The following HPCAL1 variants were observed in gnomAD, a reference collection of about 807,000 sequenced individuals.
HPCAL1 encodes the protein hippocalcin-like protein 1.
Under a neutral mutation model 17.1 loss-of-function variants are expected in HPCAL1, and 8 were observed. The ratio of observed to expected loss-of-function variants is 0.47; its 90% CI spans 0.27 to 0.84. The LOEUF is 0.84. Among genes scored for constraint, HPCAL1 ranks in the 40% least tolerant of loss-of-function variants. The pLI, the probability that HPCAL1 is intolerant of heterozygous loss-of-function variation, is 0.13. For missense variants in HPCAL1, 165 were observed against 271.1 expected (o/e 0.61, Z 2.75); for synonymous variants, 112 against 111.4 (o/e 1.01, Z -0.03).
At chr2:10,403,020 T>G (rs922770332) in intron 2 of HPCAL1, among the ~76,000 whole-genome samples, 2 of 152,186 alleles carry the variant, frequency 1.3e-5, no homozygotes, top group African/African-American at 4.8e-5. Context: ...AATTCAAAAT[T>G]TGGAAATAGT....
At chr2:10,312,215 TC>T (rs143399020) in intron 1 of HPCAL1, among the ~76,000 whole-genome samples, 2 of 25,400 alleles carry the variant, frequency 7.9e-5, no homozygotes, top group Non-Finnish European at 1.9e-4. Flanking sequence ...ATCATCAACA[TC>T]CATCATCACT....
chr2:10,316,994 C>T (rs988964454), intron 1 of HPCAL1, among the ~76,000 whole-genome samples: 5 of 152,102 alleles, frequency 3.3e-5, no homozygotes, highest in East Asian at 3.9e-4. Context: ...TCTGGGCCCT[C>T]GGGTTATTAC....
intron 2 of HPCAL1, among the ~76,000 whole-genome samples, chr2:10,413,691 T>G (rs779651917): frequency 2.0e-5 from 3 of 152,252 alleles, no homozygotes; most frequent in Admixed American, 6.5e-5. Context: ...GGTACCTCCC[T>G]TTCTATACGC....
intron 1 of HPCAL1, among the ~76,000 whole-genome samples, chr2:10,374,804 A>G (rs940957081): frequency 1.3e-5 from 2 of 152,178 alleles, no homozygotes; most frequent in Non-Finnish European, 2.9e-5. Context: ...CTGTAATCTT[A>G]TCCTTTTTGT....
chr2:10,329,189 T>C (rs1664198697), intron 1 of HPCAL1, among the ~76,000 whole-genome samples: 1 of 152,144 alleles, frequency 6.6e-6, no homozygotes, highest in African/African-American at 2.4e-5. Flanking sequence ...CATTGAATCT[T>C]TCCTGAACAG....
At chr2:10,381,265 T>A (rs1367112828) in intron 1 of HPCAL1, among the ~76,000 whole-genome samples, 1 of 152,220 alleles carries the variant, frequency 6.6e-6, no homozygotes, top group Non-Finnish European at 1.5e-5. Flanking sequence ...TCCACAAGGA[T>A]GTTACGTTGT....
At chr2:10,399,226 C>T (rs867465930) in intron 2 of HPCAL1, among the ~76,000 whole-genome samples, 36 of 78,320 alleles carry the variant, frequency 4.6e-4, no homozygotes, top group East Asian at 6.6e-4. Flanking sequence ...ACCACCACCA[C>T]CACCACCACC....
rs1662516750 is a variant in HPCAL1 at position 10,304,825 on chromosome 2, C to T, written c.-111+1648C>T. On this transcript the variant is annotated intron_variant, in intron 1 of 4. Transcript: ENST00000307845. The surrounding 1 kb of genome is among the most constrained non-coding windows in gnomAD (Gnocchi z 4.1). ...TTAACCAAGGGAGCCAAGATCTCAC[C>T]AGTGCAGGAGGCTCTCAAAATGGAG... is the stretch of plus-strand genomic sequence containing the variant. Among the ~76,000 whole-genome samples, 2 of 152,194 alleles carry T rather than the reference C, an allele frequency of 1.3e-5. No individual in the cohort carries two copies. The highest frequency in any genetic ancestry group is 1.5e-5 in the Non-Finnish European group (1 of 68,042).
At chr2:10,405,321 G>T (rs1190100770) in intron 2 of HPCAL1, among the ~76,000 whole-genome samples, 1 of 152,228 alleles carries the variant, frequency 6.6e-6, no homozygotes, top group Non-Finnish European at 1.5e-5. Flanking sequence ...GAGCAAACAG[G>T]CTGGGTCTGG....
In HPCAL1 at chr2:10,395,511, T is replaced by C. The variant is rs1056470551; in HGVS notation, c.-110-1324T>C. ...GGAGGGGAGAGGTGCAGCACCCCCA[T>C]TGTGCAGGAGCGAGGGGAGCCCCGC... On this transcript the variant is annotated intron_variant, in intron 1 of 4. Coordinates refer to ENST00000307845, the MANE Select transcript of HPCAL1 (RefSeq NM_002149.4). The surrounding 1 kb of genome is among the most constrained non-coding windows in gnomAD (Gnocchi z 4.4). Among the ~76,000 whole-genome samples, 1 of 152,164 alleles carries C rather than the reference T, an allele frequency of 6.6e-6. No homozygotes were observed. The highest frequency in any genetic ancestry group is 2.4e-5 in the African/African-American group (1 of 41,450).
chr2:10,306,333 T>TG (rs1346739875), intron 1 of HPCAL1, among the ~76,000 whole-genome samples: 10 of 151,154 alleles, frequency 6.6e-5, no homozygotes, highest in Admixed American at 2.0e-4. Context: ...GTCACTGTGC[T>TG]GGGGGGTGGG....
At chr2:10,368,435 G>A (rs955204526) in intron 1 of HPCAL1, among the ~76,000 whole-genome samples, 1 of 152,148 alleles carries the variant, frequency 6.6e-6, no homozygotes, top group Non-Finnish European at 1.5e-5. Context: ...CTCCTTGAGG[G>A]CAGGGTGGTT....
intron 2 of HPCAL1, among the ~76,000 whole-genome samples, chr2:10,401,931 C>G (rs1441843838): frequency 1.3e-5 from 2 of 152,166 alleles, no homozygotes; most frequent in Non-Finnish European, 2.9e-5. Context: ...GAGACAGTCT[C>G]GCTGTGTCTC....
chr2:10,387,044 G>T (rs879644173), intron 1 of HPCAL1, among the ~76,000 whole-genome samples: 1 of 152,200 alleles, frequency 6.6e-6, no homozygotes, highest in Non-Finnish European at 1.5e-5. Flanking sequence ...TGGCTGTGTC[G>T]CCCGGGGCAA....
intron 1 of HPCAL1, among the ~76,000 whole-genome samples, chr2:10,348,956 T>A (rs373974590): frequency 5.9e-5 from 9 of 152,352 alleles, no homozygotes; most frequent in African/African-American, 1.4e-4. Flanking sequence ...CTGAATTCAA[T>A]CACATTCAGC....
At chr2:10,397,811 T>C (rs1225582324) in intron 2 of HPCAL1, among the ~76,000 whole-genome samples, 1 of 152,218 alleles carries the variant, frequency 6.6e-6, no homozygotes, top group African/African-American at 2.4e-5. Flanking sequence ...GGGCTGCCCT[T>C]CCAGCGTTGA....
In HPCAL1 at chr2:10,330,218, G is replaced by A. The variant is rs1664271890; in HGVS notation, c.-111+27041G>A. ...CACAGGGAATGGGGGCTGGTGAGTC[G>A]TGCTCAGAAGGTCCCAGTCTAGATG... On this transcript the variant is annotated intron_variant, in intron 1 of 4. Coordinates refer to ENST00000307845, the MANE Select transcript of HPCAL1 (RefSeq NM_002149.4). The surrounding 1 kb of genome is among the most constrained non-coding windows in gnomAD (Gnocchi z 4.2). The A allele has an allele frequency of 6.6e-6, 1 of 152,300 alleles. No homozygotes were observed. The highest frequency in any genetic ancestry group is 6.5e-5 in the Admixed American group (1 of 15,294). 9.4% of individuals were successfully genotyped at this position (152,300 alleles called of 1,614,324 possible). A position where few individuals can be genotyped will look rare whatever the true frequency, so the allele number is the denominator to read the frequency against.
intron 1 of HPCAL1, among the ~76,000 whole-genome samples, chr2:10,319,447 A>G (rs1663529846): frequency 2.0e-5 from 3 of 152,070 alleles, no homozygotes; most frequent in South Asian, 4.1e-4. Flanking sequence ...TCTCAGATGA[A>G]AAATGCTTGT....
intron 1 of HPCAL1, among the ~76,000 whole-genome samples, chr2:10,311,682 G>A (rs553783082): frequency 1.2e-4 from 18 of 152,118 alleles, no homozygotes; most frequent in Non-Finnish European, 2.4e-4. Context: ...GCCAAGCAGT[G>A]TAAAGGGCTC....
Sources: allele counts gnomAD v4.1 joint callset (sites outside exome capture counted in the v4.1 genomes callset), GRCh38; gene constraint gnomAD v4.1.1; non-coding constraint Gnocchi (gnomAD v3.1); transcripts MANE v1.5; gene names NCBI Gene and HGNC (gene_info 2026-07-23, HGNC 2026-07-21).